The following SCRG1 variants were observed in gnomAD, a reference collection of about 807,000 sequenced individuals.
SCRG1 encodes scrapie-responsive protein 1.
SCRG1 carries 3 observed loss-of-function variants against 7.7 expected under a neutral mutation model. The observed-to-expected ratio is 0.39, with a 90% confidence interval of 0.18 to 1.01. The LOEUF (loss-of-function observed/expected upper bound fraction) is 1.01, where lower values mean the gene tolerates loss of function less well. Ranked by LOEUF, SCRG1 falls within the 50% of genes least tolerant of loss-of-function variation. The pLI is 0.36. For synonymous variants in SCRG1, 46 were observed against 41.2 expected (o/e 1.12, Z -0.44); for missense variants, 110 against 117.2 (o/e 0.94, Z 0.28).
upstream of SCRG1, among the ~76,000 whole-genome samples, chr4:173,408,887 G>T (rs1455660335): frequency 1.3e-5 from 2 of 151,536 alleles, no homozygotes; most frequent in Non-Finnish European, 2.9e-5. Flanking sequence ...CAGCTACTCC[G>T]GAGGCTGAGG....
chr4:173,389,976 G>T, intron 2 of SCRG1: 1 of 247,734 alleles, frequency 4.0e-6, no homozygotes, highest in South Asian at 3.8e-5. Context: ...ATAACCAGGG[G>T]GAAATGATTT....
At chr4:173,460,127 A>C in the SCRG1 span, among the ~76,000 whole-genome samples, 1 of 152,094 alleles carries the variant, frequency 6.6e-6, no homozygotes, top group Non-Finnish European at 1.5e-5. Flanking sequence ...AAGAACCAAA[A>C]CTCAGGTGAG....
At chr4:173,419,875 A>G in the SCRG1 span, 1 of 1,040,158 alleles carries the variant, frequency 9.6e-7, no homozygotes, top group Non-Finnish European at 1.5e-6. Context: ...GCAGGCCAGT[A>G]CAATACGCTG....
chr4:173,463,488 G>A, the SCRG1 span, among the ~76,000 whole-genome samples: 33 of 152,114 alleles, frequency 2.2e-4, no homozygotes, highest in African/African-American at 6.8e-4. Flanking sequence ...TGGCCAGGCC[G>A]GTCTCGAACT....
At chr4:173,481,092 A>C in the SCRG1 span, among the ~76,000 whole-genome samples, 1 of 152,178 alleles carries the variant, frequency 6.6e-6, no homozygotes, top group Non-Finnish European at 1.5e-5. Context: ...TAACATACTG[A>C]TAATTTTTAA....
At chr4:173,508,921 G>T in the SCRG1 span, among the ~76,000 whole-genome samples, 1 of 152,204 alleles carries the variant, frequency 6.6e-6, no homozygotes, top group African/African-American at 2.4e-5. This position sits in a 1 kb window ranked among gnomAD's most constrained non-coding sequence, Gnocchi z 4.4. Flanking sequence ...CCTGCACTCT[G>T]ACAGTTTCTG....
the SCRG1 span, among the ~76,000 whole-genome samples, chr4:173,435,318 A>G: frequency 6.6e-6 from 1 of 152,108 alleles, no homozygotes; most frequent in African/African-American, 2.4e-5. Flanking sequence ...CTGATTTTTG[A>G]AGGGCTTTTG....
At chr4:173,393,704 TA>T (rs34654451) in intron 1 of SCRG1, among the ~76,000 whole-genome samples, 59,293 of 151,924 alleles carry the variant, frequency 0.39, 13,362 homozygotes, top group East Asian at 0.55. Context: ...TAACCATTAC[TA>T]AAAGTGGAGT....
the SCRG1 span, among the ~76,000 whole-genome samples, chr4:173,472,530 A>C: frequency 1.3e-5 from 2 of 152,208 alleles, no homozygotes; most frequent in Non-Finnish European, 2.9e-5. Context: ...CTGAGTCCAA[A>C]GGCCTGGGAA....
the SCRG1 span, among the ~76,000 whole-genome samples, chr4:173,441,455 C>T: frequency 3.3e-5 from 5 of 152,048 alleles, no homozygotes; most frequent in African/African-American, 1.2e-4. Flanking sequence ...CTCTGTAATC[C>T]CACCCCCTCT....
At chr4:173,497,011 C>A in the SCRG1 span, among the ~76,000 whole-genome samples, 6 of 152,174 alleles carry the variant, frequency 3.9e-5, no homozygotes, top group South Asian at 8.3e-4. Context: ...GAGGCTGAGG[C>A]AGGAGAATGG....
chr4:173,505,578 A>C, the SCRG1 span, among the ~76,000 whole-genome samples: 4 of 152,154 alleles, frequency 2.6e-5, no homozygotes, highest in Admixed American at 6.5e-5. This position sits in a 1 kb window ranked among gnomAD's most constrained non-coding sequence, Gnocchi z 4.4. Flanking sequence ...CTGCCCAAGC[A>C]ACTCCCAAAC....
the SCRG1 span, among the ~76,000 whole-genome samples, chr4:173,484,538 T>C: frequency 6.9e-5 from 4 of 57,812 alleles, no homozygotes; most frequent in African/African-American, 2.6e-4. Flanking sequence ...TATTATATAT[T>C]ATGTATATTT....
At chr4:173,401,124 A>G (rs576819650), upstream of SCRG1, among the ~76,000 whole-genome samples, 54 of 152,346 alleles carry the variant, frequency 3.5e-4, 1 homozygote, top group South Asian at 0.01. Context: ...AACCAGAAGC[A>G]GTTCCAGCCC....
chr4:173,435,338 C>T, the SCRG1 span, among the ~76,000 whole-genome samples: 1 of 152,152 alleles, frequency 6.6e-6, no homozygotes, highest in Admixed American at 6.5e-5. Context: ...GATCATCCTC[C>T]ACCCAGTGTC....
At chr4:173,483,269 TGA>T in the SCRG1 span, among the ~76,000 whole-genome samples, 1,114 of 68,282 alleles carry the variant, frequency 0.016, 52 homozygotes, top group African/African-American at 0.05. Flanking sequence ...ATATCATATA[TGA>T]TATATAATAT....
intron 1 of SCRG1, among the ~76,000 whole-genome samples, chr4:173,396,826 G>A (rs1292352879): frequency 1.3e-5 from 2 of 151,276 alleles, no homozygotes; most frequent in Non-Finnish European, 2.9e-5. Context: ...AGGCCGAGGC[G>A]GGCAGATCAC....
the SCRG1 span, among the ~76,000 whole-genome samples, chr4:173,464,603 A>G: frequency 6.6e-6 from 1 of 152,218 alleles, no homozygotes; most frequent in African/African-American, 2.4e-5. Flanking sequence ...AGTGTTGCTG[A>G]GGATATGGAG....
the SCRG1 span, chr4:173,468,200 G>C: frequency 2.0e-5 from 3 of 152,488 alleles, no homozygotes; most frequent in African/African-American, 7.2e-5. Flanking sequence ...GTTTAGATAT[G>C]TTTAGATACA....
Sources: gnomAD v4.1 joint callset for allele counts (sites outside exome capture counted in the v4.1 genomes callset) on GRCh38, gnomAD v4.1.1 for gene constraint, Gnocchi (gnomAD v3.1) non-coding constraint, MANE v1.5 for transcripts, NCBI Gene and HGNC (gene_info 2026-07-23, HGNC 2026-07-21) for gene names.